The following KCNIP4 variants were observed in gnomAD, a reference collection of about 807,000 sequenced individuals.
KCNIP4 encodes Kv channel-interacting protein 4.
KCNIP4 carries 12 observed loss-of-function variants against 34.0 expected under a neutral mutation model. The ratio of observed to expected loss-of-function variants is 0.35; its 90% CI spans 0.23 to 0.57. The LOEUF is 0.57. Ranked by LOEUF, KCNIP4 falls within the 20% of genes least tolerant of loss-of-function variation. The pLI is 0.83. For synonymous variants in KCNIP4, 124 were observed against 102.2 expected (o/e 1.21, Z -1.29); for missense variants, 238 against 311.7 (o/e 0.76, Z 1.78).
chr4:21,817,581 T>C (rs1722063156), intron 1 of KCNIP4, among the ~76,000 whole-genome samples: 1 of 152,174 alleles, frequency 6.6e-6, no homozygotes, highest in South Asian at 2.1e-4. Context: ...GGGAAGATAT[T>C]GCTAAATTCT....
intron 1 of KCNIP4, among the ~76,000 whole-genome samples, chr4:20,982,668 A>C (rs919527035): frequency 1.3e-5 from 2 of 152,220 alleles, no homozygotes; most frequent in Non-Finnish European, 2.9e-5. Context: ...GTAGAATAAA[A>C]GGACTTTCTG....
intron 1 of KCNIP4, among the ~76,000 whole-genome samples, chr4:21,617,466 C>T (rs1456749397): frequency 6.6e-6 from 1 of 152,072 alleles, no homozygotes; most frequent in Non-Finnish European, 1.5e-5. Context: ...CCTTTAATTT[C>T]CCTAATGTGT....
chr4:20,952,819 G>T, intron 1 of KCNIP4, among the ~76,000 whole-genome samples: 1 of 152,322 alleles, frequency 6.6e-6, no homozygotes, highest in South Asian at 2.1e-4. Context: ...ATAAACAACA[G>T]AATTTATTGC....
chr4:21,841,142 A>G (rs1272833241), intron 1 of KCNIP4, among the ~76,000 whole-genome samples: 4 of 152,160 alleles, frequency 2.6e-5, no homozygotes, highest in Non-Finnish European at 5.9e-5. Context: ...GAAAACTTTT[A>G]GGAAGAACTC....
chr4:21,425,029 T>C (rs1461571467), intron 1 of KCNIP4, among the ~76,000 whole-genome samples: 3 of 152,094 alleles, frequency 2.0e-5, no homozygotes, highest in Non-Finnish European at 4.4e-5. Context: ...AGACATGAGA[T>C]AGGACAAAAT....
At chr4:21,547,166 A>G (rs1738214715) in intron 1 of KCNIP4, among the ~76,000 whole-genome samples, 1 of 152,090 alleles carries the variant, frequency 6.6e-6, no homozygotes, top group Non-Finnish European at 1.5e-5. Flanking sequence ...GTCTCCCAGC[A>G]GAACCCAGTC....
intron 1 of KCNIP4, among the ~76,000 whole-genome samples, chr4:21,599,999 C>T (rs1402960089): frequency 6.6e-6 from 1 of 152,096 alleles, no homozygotes; most frequent in Non-Finnish European, 1.5e-5. Context: ...AAATCCTCAG[C>T]GATTCTGCTG....
At chr4:21,765,226 G>T (rs140460856) in intron 1 of KCNIP4, among the ~76,000 whole-genome samples, 206 of 150,442 alleles carry the variant, frequency 1.4e-3, no homozygotes, top group African/African-American at 4.1e-3. Flanking sequence ...TGCGATCTCA[G>T]CTTACTGCAA....
chr4:21,099,065 C>T (rs1747706562), intron 1 of KCNIP4, among the ~76,000 whole-genome samples: 1 of 152,126 alleles, frequency 6.6e-6, no homozygotes, highest in East Asian at 1.9e-4. Flanking sequence ...TGTGGTAAAT[C>T]CTCAAAGATC....
intron 1 of KCNIP4, among the ~76,000 whole-genome samples, chr4:20,995,072 C>G (rs537809819): frequency 3.9e-5 from 6 of 152,166 alleles, no homozygotes; most frequent in Non-Finnish European, 8.8e-5. Context: ...TATATTTACA[C>G]TTTTCCAGGC....
At chr4:21,259,673 A>C (rs539691458) in intron 1 of KCNIP4, among the ~76,000 whole-genome samples, 2 of 152,288 alleles carry the variant, frequency 1.3e-5, no homozygotes, top group Non-Finnish European at 2.9e-5. Context: ...ACCTTTTCTA[A>C]AGTGCCTTAC....
chr4:20,899,850 T>A (rs981409690), intron 1 of KCNIP4, among the ~76,000 whole-genome samples: 1 of 152,140 alleles, frequency 6.6e-6, no homozygotes, highest in Non-Finnish European at 1.5e-5. Flanking sequence ...CAAGAACATA[T>A]TCTTCAAATA....
chr4:21,530,712 A>C (rs1346778183), intron 1 of KCNIP4, among the ~76,000 whole-genome samples: 1 of 152,130 alleles, frequency 6.6e-6, no homozygotes, highest in African/African-American at 2.4e-5. Flanking sequence ...TACCACAATA[A>C]AATAAGTATA....
chr4:20,999,783 G>GA (rs999695601), intron 1 of KCNIP4, among the ~76,000 whole-genome samples: 19 of 149,886 alleles, frequency 1.3e-4, no homozygotes, highest in Middle Eastern at 3.4e-3. Flanking sequence ...CAAGTTTTCA[G>GA]AAAAAAAAAT....
At chr4:21,241,336 G>A (rs972454473) in intron 1 of KCNIP4, among the ~76,000 whole-genome samples, 1 of 152,056 alleles carries the variant, frequency 6.6e-6, no homozygotes, top group Non-Finnish European at 1.5e-5. Context: ...AAGTTTATAT[G>A]GGTTTTCTTT....
At chr4:20,901,420 CAG>C (rs1185180836) in intron 1 of KCNIP4, among the ~76,000 whole-genome samples, 1 of 152,170 alleles carries the variant, frequency 6.6e-6, no homozygotes, top group Non-Finnish European at 1.5e-5. Flanking sequence ...GCTACTGAAT[CAG>C]AATTTGCATT....
intron 2 of KCNIP4, among the ~76,000 whole-genome samples, chr4:20,867,378 A>G (rs973016510): frequency 1.1e-4 from 16 of 152,066 alleles, no homozygotes; most frequent in Non-Finnish European, 2.4e-4. Flanking sequence ...TCACACGCCT[A>G]CCACCGTCTG....
chr4:21,936,255 T>C (rs1433690144), intron 1 of KCNIP4, among the ~76,000 whole-genome samples: 1 of 152,052 alleles, frequency 6.6e-6, no homozygotes, highest in Non-Finnish European at 1.5e-5. Context: ...GGTCCCCCCA[T>C]ACTGTTCTCT....
chr4:21,104,222 T>C (rs1200847722), intron 1 of KCNIP4, among the ~76,000 whole-genome samples: 1 of 151,904 alleles, frequency 6.6e-6, no homozygotes, highest in Admixed American at 6.6e-5. Context: ...AGTATAAAAG[T>C]GTTCCTATTT....
Sources: gnomAD v4.1 joint callset for allele counts (sites outside exome capture counted in the v4.1 genomes callset) on GRCh38, gnomAD v4.1.1 for gene constraint, MANE v1.5 for transcripts, NCBI Gene and HGNC (gene_info 2026-07-23, HGNC 2026-07-21) for gene names.